Variants in TMC7 observed in about 807,000 individuals in gnomAD.
TMC7 encodes transmembrane channel-like protein 7.
In TMC7, 54 loss-of-function variants were observed where a neutral mutation model predicts 82.9. That is an observed-to-expected ratio of 0.65 (90% confidence interval 0.52 to 0.82). The LOEUF (loss-of-function observed/expected upper bound fraction) is 0.82. Ranked by LOEUF, TMC7 falls within the 40% of genes least tolerant of loss-of-function variation. The pLI, the probability that TMC7 is intolerant of heterozygous loss-of-function variation, is 0.00. For missense variants in TMC7, 820 were observed against 901.2 expected, an observed-to-expected ratio of 0.91 and a Z score of 1.15; for synonymous variants, 350 against 337.9, an observed-to-expected ratio of 1.04 and a Z score of -0.39.
At chr16:18,994,007 A>G (rs2038995316) in intron 1 of TMC7, among the ~76,000 whole-genome samples, 1 of 152,072 alleles carries the variant, frequency 6.6e-6, no homozygotes, top group African/African-American at 2.4e-5. Context: ...GGAAAGAAAG[A>G]AATATGGGGA....
intron 7 of TMC7, among the ~76,000 whole-genome samples, chr16:19,036,952 C>A (rs892460335): frequency 6.6e-6 from 1 of 152,088 alleles, no homozygotes; most frequent in Non-Finnish European, 1.5e-5. Flanking sequence ...AATAACAACA[C>A]CTCACCTGTA....
At position 19,009,284 on chromosome 16, in the gene TMC7, C is replaced by A. The variant is rs765465985; in HGVS notation, c.180C>A (p.Asp60Glu). Reference sequence around the variant, plus strand: ...GGAGAACGACTGTCCATTCCCGGGACAAGCAAAGCGGAACTTTGCTAAAGC... The same window carrying A: ...GGAGAACGACTGTCCATTCCCGGGAAAAGCAAAGCGGAACTTTGCTAAAGC... ...ARRRTTVHSR[D>E]KQSGTLLKPT... The change falls in exon 2 of 16, where the codon GAC (aspartate) becomes GAA (glutamate). Residue 60 changes from aspartate (D) to glutamate (E), a missense_variant. Coordinates refer to ENST00000304381, the MANE Select transcript of TMC7 (RefSeq NM_024847.4). 6.8e-6 allele frequency: 11 copies of A among 1,614,194 alleles called. No individual in the cohort carries two copies. Among genetic ancestry groups the A allele is most frequent in the Non-Finnish European group, 9.3e-6 (11 of 1,180,044 alleles).
Position 18,984,145 on chromosome 16 carries a change from A to G in TMC7, c.67+15A>G. The G allele has an allele frequency of 6.7e-7, 1 of 1,490,052 alleles. No individual in the cohort carries two copies. 92.3% of individuals were successfully genotyped at this position (1,490,052 alleles called of 1,614,324 possible). A position where few individuals can be genotyped will look rare whatever the true frequency, so the allele number is the denominator to read the frequency against. ...GGTCCATCCAGGTAGGGCGGCAGGG[A>G]GCGCGCGCGGGGACGGTGCCCCTGG... On this transcript the variant is annotated intron_variant, in intron 1 of 15. Coordinates refer to ENST00000304381, the MANE Select transcript of TMC7 (RefSeq NM_024847.4).
chr16:18,985,799 T>C (rs2038837030), intron 1 of TMC7, among the ~76,000 whole-genome samples: 1 of 151,120 alleles, frequency 6.6e-6, no homozygotes, highest in Admixed American at 6.6e-5. Context: ...CAGTGACCTG[T>C]TGTATGGGCA....
intron 13 of TMC7, 83 bp downstream of exon 13, chr16:19,051,899 T>G (rs1961558020): frequency 1.4e-5 from 4 of 291,472 alleles, no homozygotes; most frequent in Non-Finnish European, 1.6e-5. Context: ...TCATATCACA[T>G]TTTTTTTTTT....
At chr16:19,021,892 T>C in intron 4 of TMC7, 96 bp downstream of exon 4, 1 of 1,419,872 alleles carries the variant, frequency 7.0e-7, no homozygotes, top group Non-Finnish European at 9.5e-7. Flanking sequence ...ATTCTAATTC[T>C]TGGGCGACTG....
intron 1 of TMC7, among the ~76,000 whole-genome samples, chr16:18,988,424 G>T (rs984014060): frequency 6.6e-6 from 1 of 152,064 alleles, no homozygotes; most frequent in African/African-American, 2.4e-5. Context: ...CAAAGTGCTG[G>T]GACTACAGGC....
At chr16:19,022,844 A>G (rs1284167463) in intron 4 of TMC7, among the ~76,000 whole-genome samples, 3 of 152,094 alleles carry the variant, frequency 2.0e-5, no homozygotes, top group Non-Finnish European at 1.5e-5. Flanking sequence ...GCCTGGCGAA[A>G]CCCCATCTCT....
In TMC7 at chr16:19,040,115, CAAAAA is replaced by C. The variant is rs55719597; in HGVS notation, c.1180-155_1180-151del. ...TGGGTGACAGAAGGAGACTCCATCT[CAAAAA>C]AAAAAAAAAAAAAAAAAAGGAACGA... On this transcript the variant is annotated intron_variant, in intron 8 of 15. Transcript: ENST00000304381. Among the ~76,000 whole-genome samples the C allele has an allele frequency of 7.6e-4, 51 of 67,102 alleles. 2 individuals carry two copies. The East Asian group carries it at 0.025, about 34-fold the overall frequency. 44.0% of individuals were successfully genotyped at this position (67,102 alleles called of 152,430 possible). A position where few individuals can be genotyped will look rare whatever the true frequency, so the allele number is the denominator to read the frequency against.
At chr16:19,060,735 T>G (rs2142328407) in intron 15 of TMC7, among the ~76,000 whole-genome samples, 1 of 151,712 alleles carries the variant, frequency 6.6e-6, no homozygotes, top group Middle Eastern at 3.5e-3. Context: ...TGTTTAGAGT[T>G]TTATTCTGAG....
At chr16:19,045,224 C>A in intron 10 of TMC7, 117 bp from the exon 11 acceptor site, 1 of 907,658 alleles carries the variant, frequency 1.1e-6, no homozygotes, top group Non-Finnish European at 1.8e-6. Flanking sequence ...TCAGCTGATG[C>A]CCTCACTGGA....
chr16:19,051,499 G>A (rs944766597), intron 12 of TMC7, among the ~76,000 whole-genome samples, 187 bp from the exon 13 acceptor site: 11 of 150,274 alleles, frequency 7.3e-5, no homozygotes, highest in South Asian at 2.1e-4. Flanking sequence ...GAGAACATGC[G>A]GTGTTTGGTT....
At chr16:19,028,206 G>A (rs1960325195) in intron 5 of TMC7, among the ~76,000 whole-genome samples, 1 of 152,028 alleles carries the variant, frequency 6.6e-6, no homozygotes, top group African/African-American at 2.4e-5. Context: ...TGCCATCCAA[G>A]GAGGTGTTTG....
intron 1 of TMC7, among the ~76,000 whole-genome samples, chr16:18,987,571 A>G (rs1440156893): frequency 2.0e-5 from 3 of 151,702 alleles, no homozygotes; most frequent in African/African-American, 7.3e-5. Flanking sequence ...CTCCCAAAGT[A>G]CTGGGATTAC....
intron 1 of TMC7, among the ~76,000 whole-genome samples, chr16:18,997,730 T>C (rs112749835): frequency 0.088 from 195 of 2,216 alleles, 3 homozygotes; most frequent in Non-Finnish European, 0.32. Flanking sequence ...AAATCCAGCC[T>C]TTTTTTTTTT....
chr16:18,992,429 C>G (rs1489065795), intron 1 of TMC7, among the ~76,000 whole-genome samples: 2 of 152,148 alleles, frequency 1.3e-5, no homozygotes, highest in Non-Finnish European at 2.9e-5. Flanking sequence ...CCTTTGCCCA[C>G]TTTTTGATGG....
chr16:19,037,367 A>T (rs1960794095), intron 7 of TMC7, among the ~76,000 whole-genome samples: 2 of 134,524 alleles, frequency 1.5e-5, no homozygotes, highest in Non-Finnish European at 3.1e-5. Context: ...CAGCCTGGCA[A>T]CAGAGCGAGA....
rs140705253 is a variant in TMC7, at chr16:18,996,838, A to G, written c.68-12334A>G. ...GCATCCCTGCGGTGATCAGACACCA[A>G]TGAAATGTGGGTGAATAATCAGGCA... On this transcript the variant is annotated intron_variant, in intron 1 of 15. Coordinates refer to ENST00000304381, the MANE Select transcript of TMC7 (RefSeq NM_024847.4). Among the ~76,000 whole-genome samples the G allele has an allele frequency of 1.3e-3, 205 of 152,344 alleles. 2 individuals carry two copies. Among genetic ancestry groups the G allele is most frequent in the African/African-American group, 4.5e-3 (186 of 41,586 alleles).
At chr16:19,022,013 G>C (rs1002307141) in intron 4 of TMC7, among the ~76,000 whole-genome samples, 3 of 152,120 alleles carry the variant, frequency 2.0e-5, no homozygotes, top group Admixed American at 2.0e-4. Flanking sequence ...ATGAGACTGT[G>C]AGTGAGAAAT....
Sources: allele counts gnomAD v4.1 joint callset (sites outside exome capture counted in the v4.1 genomes callset), GRCh38; gene constraint gnomAD v4.1.1; transcripts MANE v1.5; gene names NCBI Gene and HGNC (gene_info 2026-07-23, HGNC 2026-07-21).